Variants in GPNMB observed in about 807,000 individuals in gnomAD.
The protein encoded by GPNMB is transmembrane glycoprotein NMB.
A neutral mutation model predicts 57.3 loss-of-function variants in GPNMB; 71 were observed. The ratio of observed to expected loss-of-function variants is 1.24; its 90% CI spans 1.02 to 1.51. The LOEUF (loss-of-function observed/expected upper bound fraction) is 1.51. Among genes scored for constraint, GPNMB ranks in the 40% most tolerant of loss-of-function variants. The pLI, the probability that GPNMB is intolerant of heterozygous loss-of-function variation, is 0.00. For missense variants in GPNMB, 677 were observed against 691.9 expected (o/e 0.98, Z 0.24); for synonymous variants, 253 against 263.2 (o/e 0.96, Z 0.38).
At chr7:23,249,971 T>C (rs1462707518) in intron 1 of GPNMB, among the ~76,000 whole-genome samples, 1 of 152,232 alleles carries the variant, frequency 6.6e-6, no homozygotes, top group African/African-American at 2.4e-5. Flanking sequence ...TTGTCACTGC[T>C]TTTTAGTTAG....
rs1257532695 is a variant in GPNMB, at chr7:23,269,983, T to C, written c.1237T>C (p.Cys413Arg). 2 of 1,614,028 alleles carry C rather than the reference T, an allele frequency of 1.2e-6. No homozygotes were observed. The highest frequency in any genetic ancestry group is 2.2e-5 in the East Asian group (1 of 44,888). Residue 413 changes from cysteine (C) to arginine (R), a missense_variant, in exon 9 of 11, where the codon TGT becomes CGT. Cys to Arg is a radical substitution (Grantham distance 180). Coordinates refer to ENST00000258733, the MANE Select transcript of GPNMB (RefSeq NM_002510.3). ...TCQGSIPTEV[C>R]TIISDPTCEI... ...CTGTCGCAGCATTCCCACGGAGGTC[T>C]GTACCATCATTTCTGACCCCACCTG...
At position 23,246,787 on chromosome 7, in the gene GPNMB, T is replaced by C. The variant is rs1199863824; in HGVS notation, c.-71T>C. 9.1e-7 allele frequency: 1 copy of C among 1,094,622 alleles called. No individual in the cohort carries two copies. Among genetic ancestry groups the C allele is most frequent in the Non-Finnish European group, 1.4e-6 (1 of 706,738 alleles). 67.8% of individuals were successfully genotyped at this position (1,094,622 alleles called of 1,614,324 possible). A position where few individuals can be genotyped will look rare whatever the true frequency, so the allele number is the denominator to read the frequency against. On this transcript the variant is annotated 5_prime_UTR_variant, in exon 1 of 11. Transcript: ENST00000258733. ...CACCACAGATGCCAGAAGAACACTG[T>C]TGCTCTTGGTGGACGGGCCCAGAGG... is the stretch of plus-strand genomic sequence containing the variant.
At chr7:23,266,312 A>G (rs1187432914) in intron 6 of GPNMB, 1 of 560,216 alleles carries the variant, frequency 1.8e-6, no homozygotes, top group Non-Finnish European at 3.1e-6. Context: ...TCCTTACATA[A>G]TTTAGCAATT....
intron 6 of GPNMB, among the ~76,000 whole-genome samples, chr7:23,262,436 G>T (rs991436607): frequency 6.6e-6 from 1 of 151,530 alleles, no homozygotes; most frequent in Admixed American, 6.6e-5. Flanking sequence ...GTGTAAATGG[G>T]TTCATTTACA....
At chr7:23,253,256 G>C in intron 1 of GPNMB, 51 bp from the exon 2 acceptor site, 1 of 1,532,768 alleles carries the variant, frequency 6.5e-7, no homozygotes, top group Non-Finnish European at 9.0e-7. Flanking sequence ...TTTAACCACT[G>C]TGAGGTGATT....
intron 6 of GPNMB, among the ~76,000 whole-genome samples, chr7:23,262,019 C>T (rs1782936938): frequency 6.6e-6 from 1 of 152,136 alleles, no homozygotes; most frequent in Non-Finnish European, 1.5e-5. Flanking sequence ...GGCTGACATC[C>T]TCTCACTGGT....
chr7:23,266,098 A>T (rs112105017), intron 6 of GPNMB: 1 of 159,564 alleles, frequency 6.3e-6, no homozygotes, highest in Non-Finnish European at 1.4e-5. Flanking sequence ...ACAGGCGCCC[A>T]CCACCACACC....
rs765705631 is a variant in GPNMB, at chr7:23,270,146, C to T, written c.1400C>T (p.Thr467Met). The T allele has an allele frequency of 6.2e-6, 10 of 1,613,942 alleles. No homozygotes were observed. The highest frequency in any genetic ancestry group is 2.2e-5 in the South Asian group (2 of 91,086). Reference protein sequence around the residue: ...TLGDDTSLALTSTLISVPDRD... With the variant: ...TLGDDTSLALMSTLISVPDRD... ...GGGGATGACACAAGCCTGGCTCTCA[C>T]GAGCACCCTGATTTCTGTTCCTGAC... The change falls in exon 9 of 11, where the codon ACG becomes ATG. Residue 467 changes from threonine (T) to methionine (M), a missense_variant. By Grantham distance (81) the Thr-to-Met change is moderately conservative. Coordinates refer to ENST00000258733, the MANE Select transcript of GPNMB (RefSeq NM_002510.3).
intron 1 of GPNMB, among the ~76,000 whole-genome samples, chr7:23,252,990 A>C (rs1482495867): frequency 5.3e-5 from 8 of 152,232 alleles, no homozygotes; most frequent in Admixed American, 3.9e-4. Context: ...TATTGGCATC[A>C]GTGTTTTCCT....
At chr7:23,254,421 C>A in intron 3 of GPNMB, 109 bp downstream of exon 3, 1 of 823,486 alleles carries the variant, frequency 1.2e-6, no homozygotes, top group Non-Finnish European at 1.9e-6. Flanking sequence ...TGCCACTGCA[C>A]TCCATGAGCT....
intron 6 of GPNMB, among the ~76,000 whole-genome samples, chr7:23,264,041 C>G (rs1451971515): frequency 6.7e-6 from 1 of 150,232 alleles, no homozygotes; most frequent in Non-Finnish European, 1.5e-5. Context: ...TCACGGAATT[C>G]TCTTCACTTA....
At chr7:23,261,552 G>T (rs1782923569) in intron 6 of GPNMB, among the ~76,000 whole-genome samples, 1 of 152,112 alleles carries the variant, frequency 6.6e-6, no homozygotes, top group Non-Finnish European at 1.5e-5. Context: ...AACGCCGCAT[G>T]TTCTCATTCA....
chr7:23,259,096 G>T (rs986189198), intron 4 of GPNMB, among the ~76,000 whole-genome samples: 18 of 152,214 alleles, frequency 1.2e-4, no homozygotes, highest in African/African-American at 4.3e-4. Context: ...ACAAAGAAAA[G>T]GAATGACTCA....
intron 4 of GPNMB, among the ~76,000 whole-genome samples, chr7:23,258,412 T>C (rs1782832752): frequency 6.6e-6 from 1 of 152,238 alleles, no homozygotes; most frequent in Non-Finnish European, 1.5e-5. Flanking sequence ...AACTTATTTT[T>C]CACTGCCATT....
At chr7:23,256,667 A>C (rs1782785347) in intron 3 of GPNMB, among the ~76,000 whole-genome samples, 1 of 152,256 alleles carries the variant, frequency 6.6e-6, no homozygotes, top group South Asian at 2.1e-4. Flanking sequence ...ATTTTTCTGA[A>C]TAATTGCTTT....
intron 6 of GPNMB, among the ~76,000 whole-genome samples, chr7:23,265,774 A>G (rs1416440076): frequency 6.6e-6 from 1 of 151,830 alleles, no homozygotes; most frequent in African/African-American, 2.4e-5. Flanking sequence ...CTTATTTTAC[A>G]GATGAGCAAA....
At chr7:23,253,981 TA>T (rs1782718429) in intron 2 of GPNMB, among the ~76,000 whole-genome samples, 187 bp from the exon 3 acceptor site, 1 of 152,266 alleles carries the variant, frequency 6.6e-6, no homozygotes, top group African/African-American at 2.4e-5. Flanking sequence ...TGGTCTGATT[TA>T]TTTTTTAATT....
chr7:23,270,059 G>A lies in GPNMB; in HGVS notation c.1313G>A (p.Cys438Tyr). 3 of 1,614,096 alleles carry A rather than the reference G, an allele frequency of 1.9e-6. No homozygotes were observed. The highest frequency in any genetic ancestry group is 2.5e-6 in the Non-Finnish European group (3 of 1,179,980). ...VCSPVDVDEM[C>Y]LLTVRRTFNG... ...AGCCCTGTGGATGTGGATGAGATGT[G>A]TCTGCTGACTGTGAGACGAACCTTC... The change falls in exon 9 of 11, where the codon TGT (cysteine) becomes TAT (tyrosine). Residue 438 changes from cysteine to tyrosine, a missense_variant. By Grantham distance (194) the Cys-to-Tyr change is radical (BLOSUM62 -2). Coordinates refer to ENST00000258733, the MANE Select transcript of GPNMB (RefSeq NM_002510.3).
intron 9 of GPNMB, among the ~76,000 whole-genome samples, chr7:23,272,475 AAG>A (rs1339694140): frequency 2.6e-5 from 4 of 151,754 alleles, no homozygotes; most frequent in Non-Finnish European, 5.9e-5. Context: ...GAGAGAGAGA[AAG>A]AGAGAGAAAA....
Sources: allele counts gnomAD v4.1 joint callset (sites outside exome capture counted in the v4.1 genomes callset), GRCh38; gene constraint gnomAD v4.1.1; transcripts MANE v1.5; gene names NCBI Gene and HGNC (gene_info 2026-07-23, HGNC 2026-07-21).